Variants in MECOM observed in about 807,000 individuals in gnomAD.
The protein encoded by MECOM is histone-lysine N-methyltransferase MECOM.
Under a neutral mutation model 116.3 loss-of-function variants are expected in MECOM, and 13 were observed. The ratio of observed to expected loss-of-function variants is 0.11; its 90% CI spans 0.07 to 0.18. MECOM has a LOEUF of 0.18. Among genes scored for constraint, MECOM ranks in the 10% least tolerant of loss-of-function variants. The pLI, the probability that MECOM is intolerant of heterozygous loss-of-function variation, is 1.00. For missense variants in MECOM, 1,299 were observed against 1,509.0 expected (o/e 0.86, Z 2.31); for synonymous variants, 528 against 535.2 (o/e 0.99, Z 0.19).
chr3:169,411,038 A>G (rs1737477346), intron 1 of MECOM, among the ~76,000 whole-genome samples: 1 of 152,136 alleles, frequency 6.6e-6, no homozygotes, highest in Non-Finnish European at 1.5e-5. Context: ...CTATCTCCAT[A>G]TGAATATATG....
At chr3:169,301,953 C>T (rs577340294) in intron 2 of MECOM, among the ~76,000 whole-genome samples, 1 of 152,116 alleles carries the variant, frequency 6.6e-6, no homozygotes, top group East Asian at 1.9e-4. Flanking sequence ...GTTTAAATAC[C>T]CAGATGATGT....
chr3:169,218,414 G>C (rs929725449), intron 2 of MECOM, among the ~76,000 whole-genome samples: 3 of 152,104 alleles, frequency 2.0e-5, no homozygotes, highest in Admixed American at 6.5e-5. Flanking sequence ...AAGTTACTTC[G>C]GGCAATGATC....
intron 1 of MECOM, among the ~76,000 whole-genome samples, chr3:169,460,933 A>G (rs1000815942): frequency 6.6e-6 from 1 of 152,202 alleles, no homozygotes; most frequent in African/African-American, 2.4e-5. Flanking sequence ...AGATTCAGGT[A>G]TCAGTTGGCC....
chr3:169,603,401 T>G (rs988768248), intron 1 of MECOM, among the ~76,000 whole-genome samples: 17 of 152,178 alleles, frequency 1.1e-4, no homozygotes, highest in Admixed American at 2.0e-4. Context: ...AAAAAAAAAT[T>G]ACCATACGCT....
At position 169,128,118 on chromosome 3, in the gene MECOM, G is replaced by C. The variant is rs910307424; in HGVS notation, c.614-58C>G. The C allele has an allele frequency of 4.0e-6, 6 of 1,502,046 alleles. No homozygotes were observed. The African/African-American group carries it at 6.9e-5, about 17-fold the overall frequency. 93.0% of individuals were successfully genotyped at this position (1,502,046 alleles called of 1,614,324 possible). On this transcript the variant is annotated intron_variant, in intron 4 of 16. Coordinates refer to ENST00000651503, the MANE Select transcript of MECOM (RefSeq NM_004991.4). ...GGTCAGGAATTGCCATCACAAACCA[G>C]CCAATCTTACCAAATTTTACAAGAC...
intron 7 of MECOM, 86 bp downstream of exon 7, chr3:169,120,970 G>T: frequency 2.1e-6 from 3 of 1,420,276 alleles, no homozygotes; most frequent in Non-Finnish European, 2.9e-6. Context: ...ACCCTCTAAA[G>T]GCCATGTGCA....
chr3:169,622,028 A>G (rs1770796295), intron 1 of MECOM, among the ~76,000 whole-genome samples: 1 of 152,198 alleles, frequency 6.6e-6, no homozygotes, highest in South Asian at 2.1e-4. Flanking sequence ...TATTTTAAGC[A>G]CTCCAAACTC....
intron 1 of MECOM, among the ~76,000 whole-genome samples, chr3:169,437,094 A>G (rs573458319): frequency 3.0e-4 from 46 of 152,302 alleles, no homozygotes; most frequent in Non-Finnish European, 4.6e-4. Context: ...TTTGTATTTG[A>G]CTTTATGATT....
At chr3:169,428,232 G>T (rs1741039640) in intron 1 of MECOM, among the ~76,000 whole-genome samples, 1 of 152,194 alleles carries the variant, frequency 6.6e-6, no homozygotes. Context: ...AATGTCTGTT[G>T]TTTAAGCCAG....
rs191446518 is a variant in MECOM at position 169,315,693 on chromosome 3, C to T, written c.375+65494G>A. Among the ~76,000 whole-genome samples the T allele has an allele frequency of 2.9e-3, 434 of 152,228 alleles. 5 individuals carry two copies. The highest frequency in any genetic ancestry group is 0.019 in the Admixed American group (287 of 15,280). On this transcript the variant is annotated intron_variant, in intron 2 of 16. Transcript: ENST00000651503. ...GATCTCAACACATTGTCACTGAACC[C>T]AAAGAGCGCCAGATTAAAACCAGTT...
intron 1 of MECOM, among the ~76,000 whole-genome samples, chr3:169,437,490 T>G (rs888722948): frequency 6.6e-6 from 1 of 152,180 alleles, no homozygotes; most frequent in Non-Finnish European, 1.5e-5. Flanking sequence ...CAAGATTAGT[T>G]AACATAATAT....
chr3:169,404,942 T>C (rs890092925), intron 1 of MECOM, among the ~76,000 whole-genome samples: 2 of 152,206 alleles, frequency 1.3e-5, no homozygotes, highest in Non-Finnish European at 2.9e-5. Flanking sequence ...GGCCCTGATA[T>C]GGCCTCCTCT....
intron 2 of MECOM, among the ~76,000 whole-genome samples, chr3:169,273,403 A>G (rs1759186275): frequency 6.6e-6 from 1 of 152,238 alleles, no homozygotes; most frequent in South Asian, 2.1e-4. Flanking sequence ...CATCACAAAG[A>G]GTAAAAACCA....
chr3:169,107,878 T>C, intron 10 of MECOM, 48 bp downstream of exon 10: 1 of 1,539,256 alleles, frequency 6.5e-7, no homozygotes, highest in Non-Finnish European at 8.9e-7. Context: ...AGCTGTTTTC[T>C]TTTTAATGCT....
At chr3:169,520,798 A>C (rs1464167386) in intron 1 of MECOM, among the ~76,000 whole-genome samples, 1 of 152,212 alleles carries the variant, frequency 6.6e-6, no homozygotes, top group Non-Finnish European at 1.5e-5. Context: ...GCTATGTGGA[A>C]AAGTGCTAAG....
intron 2 of MECOM, among the ~76,000 whole-genome samples, chr3:169,199,524 C>A (rs567128518): frequency 6.6e-6 from 1 of 152,196 alleles, no homozygotes; most frequent in African/African-American, 2.4e-5. Flanking sequence ...AGTGATCCTC[C>A]TGCCTAAGCC....
rs551836372 is a variant in MECOM, at chr3:169,396,302, G to A, written c.38-14778C>T. On this transcript the variant is annotated intron_variant, in intron 1 of 16. Transcript: ENST00000651503. ...CCCAGAAAATTCTCTTAATGTATTTGAGCCTCAGTTTCTTTATTCATATTT... is the reference window on the plus strand; with the variant it reads ...CCCAGAAAATTCTCTTAATGTATTTAAGCCTCAGTTTCTTTATTCATATTT... Among the ~76,000 whole-genome samples, 131 of 152,240 alleles carry A rather than the reference G, an allele frequency of 8.6e-4. 1 individual carries two copies. Among genetic ancestry groups the A allele is most frequent in the Admixed American group, 1.5e-3 (23 of 15,288 alleles).
chr3:169,565,188 C>T (rs1318599462), intron 1 of MECOM, among the ~76,000 whole-genome samples: 1 of 152,164 alleles, frequency 6.6e-6, no homozygotes, highest in Non-Finnish European at 1.5e-5. Context: ...GGAGAACTAC[C>T]TTCCAATTCC....
chr3:169,242,344 C>T (rs936937606), intron 2 of MECOM, among the ~76,000 whole-genome samples: 3 of 152,132 alleles, frequency 2.0e-5, no homozygotes, highest in African/African-American at 4.8e-5. Context: ...ACACTTAAAT[C>T]CAGGGATGAT....
Sources: gnomAD v4.1 joint callset for allele counts (sites outside exome capture counted in the v4.1 genomes callset) on GRCh38, gnomAD v4.1.1 for gene constraint, MANE v1.5 for transcripts, NCBI Gene and HGNC (gene_info 2026-07-23, HGNC 2026-07-21) for gene names.